The following AHDC1 variants were observed in gnomAD, a reference collection of about 807,000 sequenced individuals.
AHDC1 encodes AT-hook DNA binding motif containing 1, also known as transcription factor Gibbin.
AHDC1 carries 7 observed loss-of-function variants against 87.9 expected under a neutral mutation model. The observed-to-expected ratio is 0.08, with a 90% CI of 0.05 to 0.15. The LOEUF is 0.15. Among genes scored for constraint, AHDC1 ranks in the 10% least tolerant of loss-of-function variants. The pLI is 1.00. For missense variants in AHDC1, 1,841 were observed against 2,253.2 expected, an observed-to-expected ratio of 0.82 and a Z score of 3.70; for synonymous variants, 1,051 against 1,006.8, an observed-to-expected ratio of 1.04 and a Z score of -0.83.
chr1:27,568,124 G>A (rs2020402799), intron 3 of AHDC1: 1 of 152,228 alleles, frequency 6.6e-6, no homozygotes, highest in Non-Finnish European at 1.5e-5. Context: ...CTGTGGGTGA[G>A]AAGGGCCCGA....
intron 8 of AHDC1, among the ~76,000 whole-genome samples, chr1:27,545,340 T>C (rs1263069774): frequency 6.6e-6 from 1 of 151,876 alleles, no homozygotes; most frequent in East Asian, 1.9e-4. Context: ...ATGGAATGCA[T>C]TGGTTTGAGG....
intron 5 of AHDC1, among the ~76,000 whole-genome samples, chr1:27,556,888 C>A (rs1030344220): frequency 2.0e-5 from 3 of 152,084 alleles, no homozygotes; most frequent in Non-Finnish European, 4.4e-5. Flanking sequence ...AGCCATCCAA[C>A]TAGATGCACT....
Position 27,551,871 on chromosome 1 carries a change from T to C in AHDC1, c.245A>G (p.Asp82Gly). ...ACGGGCTGCCCGTGGGGGCAGCGGG[T>C]CGTCCCCCTTGGCAAGGACTGGTGG... ...RRPPVLAKGD[D>G]PLPPRAARPV... Residue 82 changes from aspartate (D) to glycine (G), a missense_variant, in exon 8 of 9, where the codon GAC becomes GGC. Asp to Gly is a moderately conservative substitution (Grantham distance 94, BLOSUM62 -1). This residue lies in a region of AHDC1 where 142 missense variants were observed against 165.6 expected (regional missense o/e 0.86). Coordinates refer to ENST00000673934, the MANE Select transcript of AHDC1 (RefSeq NM_001371928.1). 6.2e-7 allele frequency: 1 copy of C among 1,607,672 alleles called. No individual in the cohort carries two copies. The highest frequency in any genetic ancestry group is 8.5e-7 in the Non-Finnish European group (1 of 1,177,800).
chr1:27,540,800 G>T (rs1412204550), intron 8 of AHDC1, among the ~76,000 whole-genome samples: 1 of 151,820 alleles, frequency 6.6e-6, no homozygotes, highest in Non-Finnish European at 1.5e-5. Flanking sequence ...AAAAAAGGTT[G>T]GGTGCCAGGA....
At position 27,560,469 on chromosome 1, in the gene AHDC1, T is replaced by C. The variant is rs2020025093; in HGVS notation, c.-628-1586A>G. Among the ~76,000 whole-genome samples the C allele has an allele frequency of 6.6e-6, 1 of 152,088 alleles. No homozygotes were observed. Among genetic ancestry groups the C allele is most frequent in the South Asian group, 2.1e-4 (1 of 4,832 alleles). On this transcript the variant is annotated intron_variant, in intron 3 of 8. Transcript: ENST00000673934. This position sits in a 1 kb window ranked among gnomAD's most constrained non-coding sequence, Gnocchi z 4.1. ...CTCTGCTGTCCCTGCAGGTTTCCAA[T>C]CTCGAGGCCTGTGACTGCAGGCACT...
At position 27,548,322 on chromosome 1, in the gene AHDC1, C is replaced by A. The variant is rs1336041916; in HGVS notation, c.3794G>T (p.Ser1265Ile). The change falls in exon 8 of 9, where the codon AGC (serine) becomes ATC (isoleucine). Residue 1265 changes from serine to isoleucine, a missense_variant. By Grantham distance (142) the Ser-to-Ile change is moderately radical. This residue lies in a region of AHDC1 where 505 missense variants were observed against 626.2 expected (regional missense o/e 0.81). Transcript: ENST00000673934. ...ACCTCGCGGCTGCCGGGGCCCAGTG[C>A]TCCGTTTGGATGGGTAGCCTGAGGC... ...AAASGYPSKR[S>I]TGPRQPRGGR... is the part of the protein sequence containing the mutation. 6.2e-7 allele frequency: 1 copy of A among 1,606,870 alleles called. No homozygotes were observed. Among genetic ancestry groups the A allele is most frequent in the African/African-American group, 1.3e-5 (1 of 74,840 alleles).
rs2089453471 is a variant in AHDC1, at chr1:27,598,994, CAATG to C, written c.-629+4399_-629+4402del. ...CCAATAGCTCACAGTCCAAATCCCA[CAATG>C]GATGGGGAAACTGAGGCCCAAGAGG... On this transcript the variant is annotated intron_variant, in intron 3 of 8. Transcript: ENST00000673934. This position sits in a 1 kb window ranked among gnomAD's most constrained non-coding sequence, Gnocchi z 4.2. 6.6e-6 allele frequency among the ~76,000 whole-genome samples: 1 copy of C among 152,166 alleles called. No homozygotes were observed. The highest frequency in any genetic ancestry group is 2.4e-5 in the African/African-American group (1 of 41,414).
intron 3 of AHDC1, among the ~76,000 whole-genome samples, chr1:27,578,114 A>G (rs1473223766): frequency 3.9e-5 from 6 of 152,260 alleles, no homozygotes; most frequent in African/African-American, 1.4e-4. Context: ...GTGCTGTCCA[A>G]CATGGTAGCC....
Position 27,553,107 on chromosome 1 carries a change from C to G in AHDC1, c.-146G>C, listed in dbSNP as rs2019652424. ...GAGAGGGCCCCCGTGCCTGGGGGCT[C>G]TGCCAGTCGCTGGCTGTCAGCTGGG... On this transcript the variant is annotated 5_prime_UTR_variant, in exon 6 of 9. Coordinates refer to ENST00000673934, the MANE Select transcript of AHDC1 (RefSeq NM_001371928.1). 1 of 152,736 alleles carries G rather than the reference C, an allele frequency of 6.5e-6. No individual in the cohort carries two copies. The highest frequency in any genetic ancestry group is 2.4e-5 in the African/African-American group (1 of 41,472). The allele number at this position is 152,736 out of a possible 1,614,324, so 9.5% of individuals were successfully genotyped here.
intron 3 of AHDC1, among the ~76,000 whole-genome samples, chr1:27,566,177 CA>C (rs1232148528): frequency 6.6e-6 from 1 of 152,068 alleles, no homozygotes; most frequent in Non-Finnish European, 1.5e-5. Flanking sequence ...AGAAGAAAGA[CA>C]GGGGGCGGGA....
In AHDC1 at chr1:27,547,204, G is replaced by T; in HGVS notation, c.*43+57C>A. 8.0e-7 allele frequency: 1 copy of T among 1,246,064 alleles called. No homozygotes were observed. The highest frequency in any genetic ancestry group is 1.1e-6 in the Non-Finnish European group (1 of 903,222). The allele number at this position is 1,246,064 out of a possible 1,614,324, so 77.2% of individuals were successfully genotyped here. Reference sequence around the variant, plus strand: ...ATACCTCTGTCCTTGCCTAAGCTCTGATGTCCTCTTCCCACCCCCAGGCCT... The same window carrying T: ...ATACCTCTGTCCTTGCCTAAGCTCTTATGTCCTCTTCCCACCCCCAGGCCT... On this transcript the variant is annotated intron_variant, in intron 8 of 8. Coordinates refer to ENST00000673934, the MANE Select transcript of AHDC1 (RefSeq NM_001371928.1). This position sits in a 1 kb window ranked among gnomAD's most constrained non-coding sequence, Gnocchi z 4.9.
intron 3 of AHDC1, among the ~76,000 whole-genome samples, chr1:27,570,932 T>G (rs1012985948): frequency 7.2e-5 from 11 of 151,762 alleles, no homozygotes; most frequent in Admixed American, 2.6e-4. Flanking sequence ...ATGTGACTGG[T>G]CAGGTCTGAG....
chr1:27,597,613 C>T (rs538018585), intron 3 of AHDC1, among the ~76,000 whole-genome samples: 1 of 152,228 alleles, frequency 6.6e-6, no homozygotes, highest in Non-Finnish European at 1.5e-5. Flanking sequence ...CTTGCTCTTT[C>T]TCCCTGACCT....
At position 27,567,499 on chromosome 1, in the gene AHDC1, C is replaced by T. The variant is rs116040695; in HGVS notation, c.-628-8616G>A. 6.0e-3 allele frequency among the ~76,000 whole-genome samples: 916 copies of T among 152,266 alleles called. 6 individuals are homozygous for T. Among genetic ancestry groups the T allele is most frequent in the African/African-American group, 0.02 (844 of 41,526 alleles). On this transcript the variant is annotated intron_variant, in intron 3 of 8. Transcript: ENST00000673934. Reference sequence around the variant, plus strand: ...CAGCTCTTAACTGCTTCTGTGCCACCGGAGACACCTTGGCTGCCTGGCCCC... The same window carrying T: ...CAGCTCTTAACTGCTTCTGTGCCACTGGAGACACCTTGGCTGCCTGGCCCC...
chr1:27,542,784 G>A (rs1036086957), intron 8 of AHDC1, among the ~76,000 whole-genome samples: 2 of 152,204 alleles, frequency 1.3e-5, no homozygotes, highest in Non-Finnish European at 2.9e-5. Flanking sequence ...AAAGAAGAAG[G>A]GTGAGTCGGT....
In AHDC1 at chr1:27,534,437, C is replaced by CA. The variant is rs1290546638; in HGVS notation, c.*522dup. ...GCAAGAGGTTCTTCTCCCTCCCCCC[C>CA]ACCATGCGAATTTGCACACCACGGG... On this transcript the variant is annotated 3_prime_UTR_variant, in exon 9 of 9. Coordinates refer to ENST00000673934, the MANE Select transcript of AHDC1 (RefSeq NM_001371928.1). The CA allele has an allele frequency of 2.0e-5, 3 of 151,932 alleles. No individual in the cohort carries two copies. Among genetic ancestry groups the CA allele is most frequent in the Admixed American group, 6.6e-5 (1 of 15,266 alleles). 9.4% of individuals were successfully genotyped at this position (151,932 alleles called of 1,614,324 possible).
At chr1:27,570,084 G>A (rs1275582142) in intron 3 of AHDC1, among the ~76,000 whole-genome samples, 2 of 151,466 alleles carry the variant, frequency 1.3e-5, no homozygotes, top group Non-Finnish European at 2.9e-5. Context: ...TCCATTCCTG[G>A]GCCCCCAGCG....
Position 27,595,647 on chromosome 1 carries a change from T to C in AHDC1, c.-629+7750A>G, listed in dbSNP as rs970802462. On this transcript the variant is annotated intron_variant, in intron 3 of 8. Coordinates refer to ENST00000673934, the MANE Select transcript of AHDC1 (RefSeq NM_001371928.1). This position sits in a 1 kb window ranked among gnomAD's most constrained non-coding sequence, Gnocchi z 4.0. ...TCTGGAAAGGTTATTGGGATTTTAA[T>C]TGGGTACCTGCAAGGGTCTGGGGAG... Among the ~76,000 whole-genome samples, 3 of 151,854 alleles carry C rather than the reference T, an allele frequency of 2.0e-5. No homozygotes were observed. Among genetic ancestry groups the C allele is most frequent in the East Asian group, 3.9e-4 (2 of 5,190 alleles).
Position 27,595,450 on chromosome 1 carries a change from C to CTGTGTGTGTGTGTGTGTGTGTGTGTGTG in AHDC1, c.-629+7946_-629+7947insCACACACACACACACACACACACACACA, listed in dbSNP as rs372265193. On this transcript the variant is annotated intron_variant, in intron 3 of 8. Coordinates refer to ENST00000673934, the MANE Select transcript of AHDC1 (RefSeq NM_001371928.1). This position sits in a 1 kb window ranked among gnomAD's most constrained non-coding sequence, Gnocchi z 4.0. ...GGTTGATATGCTGAGGGTGTGATAG[C>CTGTGTGTGTGTGTGTGTGTGTGTGTGTG]TGTGTGTGTGTGTGTGTGTGATTGT... Among the ~76,000 whole-genome samples, 11 of 144,682 alleles carry CTGTGTGTGTGTGTGTGTGTGTGTGTGTG rather than the reference C, an allele frequency of 7.6e-5. No individual in the cohort carries two copies. Among genetic ancestry groups the CTGTGTGTGTGTGTGTGTGTGTGTGTGTG allele is most frequent in the African/African-American group, 1.6e-4 (6 of 38,708 alleles). The allele number at this position is 144,682 out of a possible 152,430, so 94.9% of individuals were successfully genotyped here. A position where few individuals can be genotyped will look rare whatever the true frequency, so the allele number is the denominator to read the frequency against.
Sources: gnomAD v4.1 joint callset for allele counts (sites outside exome capture counted in the v4.1 genomes callset) on GRCh38, gnomAD v4.1.1 for gene constraint, gnomAD v4.1.1 regional missense constraint, Gnocchi (gnomAD v3.1) non-coding constraint, MANE v1.5 for transcripts, NCBI Gene and HGNC (gene_info 2026-07-23, HGNC 2026-07-21) for gene names.